The following USP43 variants were observed in gnomAD, a reference collection of about 807,000 sequenced individuals.
USP43 encodes ubiquitin carboxyl-terminal hydrolase 43.
A neutral mutation model predicts 90.7 loss-of-function variants in USP43; 33 were observed. The ratio of observed to expected loss-of-function variants is 0.36; its 90% CI spans 0.28 to 0.49. The LOEUF (loss-of-function observed/expected upper bound fraction) is 0.49, where lower values mean the gene tolerates loss of function less well. Among genes scored for constraint, USP43 ranks in the 20% least tolerant of loss-of-function variants. USP43 has a pLI of 0.98. For synonymous variants in USP43, 598 were observed against 615.8 expected (o/e 0.97, Z 0.43); for missense variants, 1,274 against 1,476.4 (o/e 0.86, Z 2.25).
intron 9 of USP43, among the ~76,000 whole-genome samples, chr17:9,699,378 C>T (rs1398922138): frequency 6.6e-6 from 1 of 152,238 alleles, no homozygotes; most frequent in Non-Finnish European, 1.5e-5. Flanking sequence ...CAGGAAGGTG[C>T]CACAACTCCA....
chr17:9,706,788 C>T (rs1471252743), intron 12 of USP43, among the ~76,000 whole-genome samples: 2 of 151,648 alleles, frequency 1.3e-5, no homozygotes, highest in Non-Finnish European at 2.9e-5. Context: ...GGACTACAGG[C>T]GGGTGCCACC....
At chr17:9,718,935 T>G (rs1418921582) in intron 14 of USP43, among the ~76,000 whole-genome samples, 1 of 152,024 alleles carries the variant, frequency 6.6e-6, no homozygotes, top group African/African-American at 2.4e-5. Flanking sequence ...TGGACATTTC[T>G]TTTCCCCTTA....
intron 1 of USP43, chr17:9,647,061 CAAAAAAAAAAAAAA>C (rs11305216): frequency 1.3e-5 from 1 of 79,816 alleles, no homozygotes; most frequent in African/African-American, 4.6e-5. Context: ...TTGCTTCCTG[CAAAAAAAAAAAAAA>C]AAAAAAGAAA....
chr17:9,712,375 A>G (rs1916258216), intron 14 of USP43, among the ~76,000 whole-genome samples: 1 of 152,176 alleles, frequency 6.6e-6, no homozygotes, highest in Admixed American at 6.5e-5. Context: ...GTCATAAGCA[A>G]GTAAACCTGG....
At chr17:9,724,541 G>A (rs576718803) in intron 14 of USP43, among the ~76,000 whole-genome samples, 3 of 152,224 alleles carry the variant, frequency 2.0e-5, no homozygotes, top group South Asian at 2.1e-4. Flanking sequence ...TTAGCCGGGC[G>A]TGGTGGTGGA....
At position 9,728,473 on chromosome 17, in the gene USP43, C is replaced by T; in HGVS notation, c.2855C>T (p.Ala952Val). ...CCAGCTCGACCGGAGGGCCAGAAGGCCATGAACTGGAAGGAGAGCTTCCAG... is the reference window on the plus strand; with the variant it reads ...CCAGCTCGACCGGAGGGCCAGAAGGTCATGAACTGGAAGGAGAGCTTCCAG... ...EKPARPEGQK[A>V]MNWKESFQMG... Residue 952 changes from alanine (A) to valine (V), a missense_variant, in exon 15 of 15, where the codon GCC (alanine) becomes GTC (valine). This residue lies in a region of USP43 where 353 missense variants were observed against 329.7 expected (regional missense o/e 1.07). Coordinates refer to ENST00000285199, the MANE Select transcript of USP43 (RefSeq NM_153210.5). This position sits in a 1 kb window ranked among gnomAD's most constrained non-coding sequence, Gnocchi z 6.2. The T allele has an allele frequency of 1.2e-6, 2 of 1,613,620 alleles. No homozygotes were observed. The highest frequency in any genetic ancestry group is 1.7e-6 in the Non-Finnish European group (2 of 1,179,740).
Position 9,729,037 on chromosome 17 carries a change from C to T in USP43, c.*47C>T. 6.8e-7 allele frequency: 1 copy of T among 1,479,024 alleles called. No individual in the cohort carries two copies. The highest frequency in any genetic ancestry group is 9.0e-7 in the Non-Finnish European group (1 of 1,110,594). 91.6% of individuals were successfully genotyped at this position (1,479,024 alleles called of 1,614,324 possible). On this transcript the variant is annotated 3_prime_UTR_variant, in exon 15 of 15. Coordinates refer to ENST00000285199, the MANE Select transcript of USP43 (RefSeq NM_153210.5). ...GACGCTGGCATTCTTGGGACTTTGC[C>T]AAGCAACTGTAGGCAGCTCATGTTG...
intron 3 of USP43, 34 bp downstream of exon 3, chr17:9,666,785 G>T: frequency 6.5e-7 from 1 of 1,541,430 alleles, no homozygotes; most frequent in South Asian, 1.2e-5. Context: ...TGTATCACCC[G>T]AGGGCTCCGC....
intron 2 of USP43, among the ~76,000 whole-genome samples, chr17:9,657,528 A>G (rs1216950448): frequency 6.6e-6 from 1 of 151,934 alleles, no homozygotes; most frequent in Non-Finnish European, 1.5e-5. Flanking sequence ...AAAAAAGGAG[A>G]CATACCTGAG....
Position 9,680,678 on chromosome 17 carries a change from C to T in USP43, c.1105+312C>T, listed in dbSNP as rs564690338. ...GGGCCTAAGAGTTTGCACATCTAAC[C>T]AAGTTCCCAGGTGATGCCGATGCTG... On this transcript the variant is annotated intron_variant, in intron 6 of 14. Transcript: ENST00000285199. Among the ~76,000 whole-genome samples the T allele has an allele frequency of 2.6e-5, 4 of 152,140 alleles. No homozygotes were observed. The East Asian group carries it at 5.8e-4, about 22-fold the overall frequency.
chr17:9,698,476 T>G (rs1915397036), intron 9 of USP43, among the ~76,000 whole-genome samples: 1 of 152,224 alleles, frequency 6.6e-6, no homozygotes, highest in Non-Finnish European at 1.5e-5. Context: ...AATGATCTCT[T>G]TGTATGCTCC....
intron 5 of USP43, 81 bp from the exon 6 acceptor site, chr17:9,680,150 G>T: frequency 6.6e-7 from 1 of 1,512,304 alleles, no homozygotes. Flanking sequence ...AATGGGTGTT[G>T]ACTATCAGTC....
chr17:9,685,969 C>G (rs774976083), intron 7 of USP43, among the ~76,000 whole-genome samples: 6 of 152,168 alleles, frequency 3.9e-5, no homozygotes, highest in Admixed American at 3.9e-4. Context: ...CCCCCACTGG[C>G]GCCTCCCAGC....
At chr17:9,648,880 C>T (rs1911646064) in intron 1 of USP43, among the ~76,000 whole-genome samples, 1 of 149,910 alleles carries the variant, frequency 6.7e-6, no homozygotes, top group Non-Finnish European at 1.5e-5. Flanking sequence ...TTCCTTCCTT[C>T]CTTCCTCTTT....
At chr17:9,692,411 A>T (rs900233067) in intron 8 of USP43, among the ~76,000 whole-genome samples, 3 of 152,160 alleles carry the variant, frequency 2.0e-5, no homozygotes, top group Non-Finnish European at 2.9e-5. Flanking sequence ...GTGGTACCTC[A>T]GCGTTGTCTT....
At position 9,646,046 on chromosome 17, in the gene USP43, G is replaced by C. The variant is rs1911370496; in HGVS notation, c.414G>C (p.Pro138=). 6 of 1,501,378 alleles carry C rather than the reference G, an allele frequency of 4.0e-6. 1 individual carries two copies. The highest frequency in any genetic ancestry group is 3.8e-5 in the South Asian group (3 of 79,396). The allele number at this position is 1,501,378 out of a possible 1,614,324, so 93.0% of individuals were successfully genotyped here. Reference sequence around the variant, plus strand: ...CGCTGGGGCGCTACCGGGCGGCTCCGGGCCGCGCCGAGGTCACCGAGCAGC... The same window carrying C: ...CGCTGGGGCGCTACCGGGCGGCTCCCGGCCGCGCCGAGGTCACCGAGCAGC... ...FLALGRYRAA[P]GRAEVTEQLA... is the part of the protein sequence containing the mutation. Residue 138 remains proline, a synonymous_variant, in exon 1 of 15, where the codon CCG becomes CCC. Coordinates refer to ENST00000285199, the MANE Select transcript of USP43 (RefSeq NM_153210.5).
chr17:9,700,593 C>T (rs1915513692), intron 10 of USP43, among the ~76,000 whole-genome samples: 1 of 152,132 alleles, frequency 6.6e-6, no homozygotes, highest in Admixed American at 6.5e-5. Flanking sequence ...TAATCACACC[C>T]TATGTGTGGG....
Position 9,645,522 on chromosome 17 carries a change from T to C in USP43, c.-111T>C. On this transcript the variant is annotated 5_prime_UTR_variant, in exon 1 of 15. Coordinates refer to ENST00000285199, the MANE Select transcript of USP43 (RefSeq NM_153210.5). This position sits in a 1 kb window ranked among gnomAD's most constrained non-coding sequence, Gnocchi z 6.8. ...CGCCTCCGCCCCGTCCCCGCACACC[T>C]GGCCCGCAGGTAGCCGGCACCAGGA... 2 of 1,024,842 alleles carry C rather than the reference T, an allele frequency of 2.0e-6. No homozygotes were observed. The highest frequency in any genetic ancestry group is 3.4e-5 in the African/African-American group (2 of 58,666). The allele number at this position is 1,024,842 out of a possible 1,614,324, so 63.5% of individuals were successfully genotyped here.
chr17:9,694,006 C>T (rs1438872025), intron 9 of USP43, among the ~76,000 whole-genome samples: 1 of 152,202 alleles, frequency 6.6e-6, no homozygotes, highest in Non-Finnish European at 1.5e-5. Flanking sequence ...GCCAGTGTGG[C>T]TGTGTCTCTG....
Sources: gnomAD v4.1 joint callset for allele counts (sites outside exome capture counted in the v4.1 genomes callset) on GRCh38, gnomAD v4.1.1 for gene constraint, gnomAD v4.1.1 regional missense constraint, Gnocchi (gnomAD v3.1) non-coding constraint, MANE v1.5 for transcripts, NCBI Gene and HGNC (gene_info 2026-07-23, HGNC 2026-07-21) for gene names.